PHC2: variants seen among roughly 807,000 people sequenced by gnomAD.
The protein encoded by PHC2 is polyhomeotic homolog 2, also known as polyhomeotic-like protein 2.
In PHC2, 29 loss-of-function variants were observed where a neutral mutation model predicts 87.4. The observed-to-expected ratio is 0.33, with a 90% CI of 0.25 to 0.45. The LOEUF is 0.45. PHC2 is among the 20% of genes least tolerant of loss of function. The pLI is 1.00. For synonymous variants in PHC2, 438 were observed against 461.7 expected (o/e 0.95, Z 0.66); for missense variants, 857 against 1,136.7 (o/e 0.75, Z 3.54).
At chr1:33,335,903 G>T (rs1041129574) in intron 9 of PHC2, among the ~76,000 whole-genome samples, 11 of 144,762 alleles carry the variant, frequency 7.6e-5, no homozygotes, top group Non-Finnish European at 1.6e-4. Context: ...CTATCTTGGG[G>T]GGGGAGGGGG....
Position 33,349,648 on chromosome 1 carries a change from G to A in PHC2, c.1558+4753C>T. 6.1e-6 allele frequency: 6 copies of A among 983,224 alleles called. No individual in the cohort carries two copies. Among genetic ancestry groups the A allele is most frequent in the Non-Finnish European group, 7.2e-6 (6 of 829,320 alleles). 60.9% of individuals were successfully genotyped at this position (983,224 alleles called of 1,614,324 possible). ...CGGGCGGGGCCTACGCAGCCCCTCG[G>A]CCGGGCGCCGACTCGCGCGGGGTCC... is the stretch of plus-strand genomic sequence containing the variant. On this transcript the variant is annotated intron_variant, in intron 9 of 14. Transcript: ENST00000683057. The surrounding 1 kb of genome is among the most constrained non-coding windows in gnomAD (Gnocchi z 4.2).
intron 9 of PHC2, among the ~76,000 whole-genome samples, chr1:33,348,444 C>T (rs1317538655): frequency 1.3e-5 from 2 of 152,150 alleles, no homozygotes; most frequent in Non-Finnish European, 2.9e-5. Context: ...ATTGGATTAC[C>T]CAGTTATGCT....
At chr1:33,393,620 C>T (rs1437383375) in intron 1 of PHC2, among the ~76,000 whole-genome samples, 1 of 89,206 alleles carries the variant, frequency 1.1e-5, no homozygotes, top group Admixed American at 9.8e-5. Context: ...CCAAGCCTGT[C>T]TCCTCAGAGT....
chr1:33,348,708 G>C (rs1181031985), intron 9 of PHC2, among the ~76,000 whole-genome samples: 3 of 152,192 alleles, frequency 2.0e-5, no homozygotes, highest in African/African-American at 7.2e-5. Context: ...CGAGGGGAAG[G>C]CTGTCATTGA....
rs1646488571 is a variant in PHC2, at chr1:33,331,204, G to A, written c.2006+144C>T. On this transcript the variant is annotated intron_variant, in intron 12 of 14. Coordinates refer to ENST00000683057, the MANE Select transcript of PHC2 (RefSeq NM_001385109.1). The surrounding 1 kb of genome is among the most constrained non-coding windows in gnomAD (Gnocchi z 5.2). ...GGCTTCTCGTGCTTGTTGAATTAGG[G>A]ATGCCATCCTGCTTCCAGGTGGGTC... 2 of 496,380 alleles carry A rather than the reference G, an allele frequency of 4.0e-6. No homozygotes were observed. Among genetic ancestry groups the A allele is most frequent in the African/African-American group, 1.9e-5 (1 of 51,768 alleles). The allele number at this position is 496,380 out of a possible 1,614,324, so 30.7% of individuals were successfully genotyped here.
intron 9 of PHC2, among the ~76,000 whole-genome samples, chr1:33,351,466 T>C (rs1221483163): frequency 6.6e-6 from 1 of 152,210 alleles, no homozygotes; most frequent in Non-Finnish European, 1.5e-5. Context: ...TTTTCCTGTT[T>C]TGTAGCTTTT....
chr1:33,402,988 T>A lies in PHC2; in HGVS notation c.-54-27395A>T, dbSNP rs577919701. Reference sequence around the variant, plus strand: ...CACGCCCGACTTTTTAAATTTTTTTTATTTTTTTATTTTTAGTAGACATGG... The same window carrying A: ...CACGCCCGACTTTTTAAATTTTTTTAATTTTTTTATTTTTAGTAGACATGG... On this transcript the variant is annotated intron_variant, in intron 1 of 14. Coordinates refer to ENST00000683057, the MANE Select transcript of PHC2 (RefSeq NM_001385109.1). Among the ~76,000 whole-genome samples the A allele has an allele frequency of 2.0e-4, 31 of 151,968 alleles. No homozygotes were observed. In the South Asian group the frequency reaches 3.7e-3, roughly 18 times the overall value.
chr1:33,406,382 C>T (rs1649762841), intron 1 of PHC2, among the ~76,000 whole-genome samples: 1 of 152,012 alleles, frequency 6.6e-6, no homozygotes, highest in African/African-American at 2.4e-5. Flanking sequence ...AGGATTTCTC[C>T]AATCGTGATA....
At chr1:33,330,024 C>A in intron 13 of PHC2, 47 bp downstream of exon 13, 1 of 1,602,184 alleles carries the variant, frequency 6.2e-7, no homozygotes, top group Non-Finnish European at 8.5e-7. Context: ...GGAAGGGAAG[C>A]TGTGGGGACT....
At chr1:33,372,521 G>GCCCA in intron 2 of PHC2, 74 bp from the exon 3 acceptor site, 1 of 1,341,056 alleles carries the variant, frequency 7.5e-7, no homozygotes, top group Non-Finnish European at 9.9e-7. Context: ...GTAATGCCTT[G>GCCCA]CCCACCCCAG....
intron 1 of PHC2, among the ~76,000 whole-genome samples, chr1:33,421,895 TAAAAGG>T (rs1650449257): frequency 6.6e-6 from 1 of 152,226 alleles, no homozygotes; most frequent in Non-Finnish European, 1.5e-5. Context: ...GTGTTCTTTC[TAAAAGG>T]CGGATCTGAT....
rs111987833 is a variant in PHC2 at position 33,389,484 on chromosome 1, G to A, written c.-54-13891C>T. 7.2e-3 allele frequency among the ~76,000 whole-genome samples: 1,093 copies of A among 151,834 alleles called. 8 individuals are homozygous for A. The highest frequency in any genetic ancestry group is 0.011 in the Non-Finnish European group (775 of 67,956). ...TCCCTTTTGAAGGCCTCATTGCTTT[G>A]GCCCAGCCACCACTTAAAGGGCCCA... is the stretch of plus-strand genomic sequence containing the variant. On this transcript the variant is annotated intron_variant, in intron 1 of 14. Transcript: ENST00000683057.
chr1:33,387,206 T>C (rs1648808230), intron 1 of PHC2, among the ~76,000 whole-genome samples: 1 of 152,122 alleles, frequency 6.6e-6, no homozygotes, highest in Non-Finnish European at 1.5e-5. Context: ...AACTCTGGGG[T>C]CAAGGATTTT....
intron 9 of PHC2, chr1:33,346,245 T>TGGGG: frequency 7.3e-6 from 1 of 136,962 alleles, no homozygotes; most frequent in Non-Finnish European, 1.1e-5. Flanking sequence ...GTGGGGAGGG[T>TGGGG]GGGCAGGCTC....
chr1:33,355,268 G>T lies in PHC2; in HGVS notation c.977-15C>A. ...CTGAGCATAGGCTGAAAGGGGAAAG[G>T]CCAGGTTAGAGAGCATGGCTTGACC... On this transcript the variant is annotated splice_polypyrimidine_tract_variant and intron_variant, in intron 7 of 14. Transcript: ENST00000683057. 1 of 1,550,804 alleles carries T rather than the reference G, an allele frequency of 6.4e-7. No homozygotes were observed.
intron 1 of PHC2, among the ~76,000 whole-genome samples, chr1:33,396,278 G>A (rs573849221): frequency 1.3e-5 from 2 of 152,148 alleles, no homozygotes; most frequent in South Asian, 4.2e-4. Context: ...GCAGGATCAG[G>A]TATTTGGAGA....
At chr1:33,360,274 A>G (rs1647171797) in intron 7 of PHC2, among the ~76,000 whole-genome samples, 1 of 152,260 alleles carries the variant, frequency 6.6e-6, no homozygotes, top group Non-Finnish European at 1.5e-5. Context: ...AGCCCTCTGG[A>G]AAAACTACCA....
intron 1 of PHC2, among the ~76,000 whole-genome samples, chr1:33,404,359 C>A (rs924357243): frequency 5.3e-5 from 8 of 151,666 alleles, no homozygotes; most frequent in Non-Finnish European, 7.4e-5. Flanking sequence ...TAAAATCTTT[C>A]AAAAAAAACC....
At chr1:33,419,673 G>T (rs533078859) in intron 1 of PHC2, among the ~76,000 whole-genome samples, 3 of 151,944 alleles carry the variant, frequency 2.0e-5, no homozygotes, top group Admixed American at 6.6e-5. Context: ...GCAGTGGCGC[G>T]ATCTCAGCTC....
Sources: gnomAD v4.1 joint callset for allele counts (sites outside exome capture counted in the v4.1 genomes callset) on GRCh38, gnomAD v4.1.1 for gene constraint, Gnocchi (gnomAD v3.1) non-coding constraint, MANE v1.5 for transcripts, NCBI Gene and HGNC (gene_info 2026-07-23, HGNC 2026-07-21) for gene names.